Variants in SLIT1 observed in about 807,000 individuals in gnomAD.
SLIT1 encodes slit homolog 1 protein.
In SLIT1, 66 loss-of-function variants were observed where a neutral mutation model predicts 186.1. The ratio of observed to expected loss-of-function variants is 0.35; its 90% CI spans 0.29 to 0.44. The LOEUF is 0.44. Among genes scored for constraint, SLIT1 ranks in the 20% least tolerant of loss-of-function variants. The pLI, the probability that SLIT1 is intolerant of heterozygous loss-of-function variation, is 1.00. For missense variants in SLIT1, 1,638 were observed against 2,037.4 expected (o/e 0.80, Z 3.77); for synonymous variants, 761 against 833.8 (o/e 0.91, Z 1.50).
At chr10:97,048,306 G>A (rs1379091537) in intron 14 of SLIT1, among the ~76,000 whole-genome samples, 1 of 152,176 alleles carries the variant, frequency 6.6e-6, no homozygotes, top group African/African-American at 2.4e-5. Flanking sequence ...GTGGCGTCAG[G>A]ACCTTGACCA....
At chr10:97,047,142 G>T in intron 16 of SLIT1, 77 bp from the exon 17 acceptor site, 1 of 975,568 alleles carries the variant, frequency 1.0e-6, no homozygotes. Flanking sequence ...AGAATATTTG[G>T]GACTCAAACA....
At chr10:97,052,849 C>G (rs1050025361) in intron 13 of SLIT1, among the ~76,000 whole-genome samples, 1 of 152,236 alleles carries the variant, frequency 6.6e-6, no homozygotes, top group South Asian at 2.1e-4. Flanking sequence ...CTGATAGTAC[C>G]TTGGATTTCT....
intron 8 of SLIT1, among the ~76,000 whole-genome samples, chr10:97,061,883 A>G (rs1848896704): frequency 6.6e-6 from 1 of 152,136 alleles, no homozygotes; most frequent in Admixed American, 6.6e-5. Flanking sequence ...CCAGCATTCT[A>G]ACTTCGAATA....
Position 97,002,822 on chromosome 10 carries a change from A to G in SLIT1, c.4036T>C (p.Tyr1346His), listed in dbSNP as rs1589359259. Residue 1346 changes from tyrosine (Y) to histidine (H), a missense_variant, in exon 35 of 37, where the codon TAC becomes CAC. Tyr to His is a moderately conservative substitution (Grantham distance 83, BLOSUM62 2). Coordinates refer to ENST00000266058, the MANE Select transcript of SLIT1 (RefSeq NM_003061.3). The part of the protein sequence containing the change: ...VPGCEPCRKL[Y>H]CLHGICQPNA... ...GGCTGGCAGATGCCATGCAGGCAGT[A>G]GAGCTTGCGGCAGGGTTCGCAGCCT... The G allele has an allele frequency of 6.2e-7, 1 of 1,614,180 alleles. No individual in the cohort carries two copies. The highest frequency in any genetic ancestry group is 1.6e-4 in the Middle Eastern group (1 of 6,062).
rs1400184010 is a variant in SLIT1 at position 97,047,932 on chromosome 10, C to T, written c.1489+41G>A. ...CCCCAGCCTGCCCACCCACTACCAC[C>T]ATTCCCGCCAGGCTGGCCTTGGATC... On this transcript the variant is annotated intron_variant, in intron 15 of 36. Transcript: ENST00000266058. 5.0e-6 allele frequency: 8 copies of T among 1,613,860 alleles called. No homozygotes were observed. The East Asian group carries it at 1.8e-4, about 36-fold the overall frequency.
In SLIT1 at chr10:97,066,055, G is replaced by A; in HGVS notation, c.445C>T (p.Pro149Ser). 2 of 1,605,640 alleles carry A rather than the reference G, an allele frequency of 1.2e-6. No homozygotes were observed. Among genetic ancestry groups the A allele is most frequent in the Non-Finnish European group, 1.7e-6 (2 of 1,175,266 alleles). Residue 149 changes from proline (P) to serine (S), a missense_variant, in exon 5 of 37, where the codon CCC becomes TCC. Pro to Ser is a moderately conservative substitution (Grantham distance 74). Transcript: ENST00000266058. ...DLSENAIQAI[P>S]RKAFRGATDL... ...GTAGCTCCCCGAAAAGCTTTCCTGG[G>A]GATGGCCTGGATGGCGTTCTCACTC...
intron 4 of SLIT1, among the ~76,000 whole-genome samples, chr10:97,070,388 T>G (rs1054534577): frequency 6.6e-6 from 1 of 152,174 alleles, no homozygotes; most frequent in African/African-American, 2.4e-5. Context: ...CACTTCTTTT[T>G]GGGGGCCTCA....
At chr10:97,059,916 G>T (rs1298953576) in intron 10 of SLIT1, among the ~76,000 whole-genome samples, 171 bp downstream of exon 10, 1 of 152,346 alleles carries the variant, frequency 6.6e-6, no homozygotes, top group South Asian at 2.1e-4. Flanking sequence ...AGCCCTGCAA[G>T]GAGGTCCCCG....
intron 12 of SLIT1, 94 bp from the exon 13 acceptor site, chr10:97,056,558 T>C: frequency 2.2e-6 from 3 of 1,351,326 alleles, no homozygotes; most frequent in Non-Finnish European, 3.1e-6. Context: ...CGGCCTGCGT[T>C]ATTACAGGGA....
intron 24 of SLIT1, 129 bp from the exon 25 acceptor site, chr10:97,030,957 C>T: frequency 1.3e-6 from 1 of 749,792 alleles, no homozygotes; most frequent in South Asian, 1.6e-5. Context: ...CAGTCAGTGA[C>T]CTGAAGGAGA....
intron 4 of SLIT1, among the ~76,000 whole-genome samples, chr10:97,098,459 G>C (rs1250207810): frequency 6.6e-6 from 1 of 152,192 alleles, no homozygotes; most frequent in African/African-American, 2.4e-5. Flanking sequence ...GGCTTCTAGG[G>C]GTACGGTGAG....
chr10:97,064,135 C>A, intron 7 of SLIT1, 33 bp downstream of exon 7: 1 of 1,580,836 alleles, frequency 6.3e-7, no homozygotes, highest in Non-Finnish European at 8.6e-7. Flanking sequence ...CCGGGCTTGG[C>A]TGCCCCGCTC....
At chr10:97,095,350 G>A (rs146588979) in intron 4 of SLIT1, among the ~76,000 whole-genome samples, 73 of 152,306 alleles carry the variant, frequency 4.8e-4, no homozygotes, top group African/African-American at 1.6e-3. Context: ...CCAGAGTCCA[G>A]TTGCTGACCT....
chr10:97,179,536 G>C (rs904780777), intron 1 of SLIT1, among the ~76,000 whole-genome samples: 1 of 152,190 alleles, frequency 6.6e-6, no homozygotes, highest in Non-Finnish European at 1.5e-5. Context: ...AAGATCTCTC[G>C]GTAGGTGATG....
intron 27 of SLIT1, 134 bp from the exon 28 acceptor site, chr10:97,018,817 C>CTTCATTCATTCA (rs3837348): frequency 1.5e-5 from 10 of 646,364 alleles, no homozygotes; most frequent in South Asian, 3.8e-5. Context: ...CATTCGTCCA[C>CTTCATTCATTCA]TTCATTCATT....
rs1848501799 is a variant in SLIT1 at position 97,021,484 on chromosome 10, C to T, written c.2583-71G>A. 1.1e-5 allele frequency: 16 copies of T among 1,457,916 alleles called. No individual in the cohort carries two copies. Among genetic ancestry groups the T allele is most frequent in the Non-Finnish European group, 1.5e-5 (16 of 1,069,034 alleles). The allele number at this position is 1,457,916 out of a possible 1,614,324, so 90.3% of individuals were successfully genotyped here. On this transcript the variant is annotated intron_variant, in intron 25 of 36. Coordinates refer to ENST00000266058, the MANE Select transcript of SLIT1 (RefSeq NM_003061.3). The surrounding 1 kb of genome is among the most constrained non-coding windows in gnomAD (Gnocchi z 4.5). ...CCCTCGCCCACTGGGAACCTAGAGT[C>T]CCAGGCACTGCACCAGGGGCTGGCA...
intron 25 of SLIT1, among the ~76,000 whole-genome samples, chr10:97,029,769 A>T (rs987671576): frequency 6.6e-6 from 1 of 152,232 alleles, no homozygotes; most frequent in Non-Finnish European, 1.5e-5. Flanking sequence ...CTCTGTGCTC[A>T]TTAAACACCA....
intron 4 of SLIT1, among the ~76,000 whole-genome samples, chr10:97,078,456 T>C (rs1487996096): frequency 1.3e-5 from 2 of 152,050 alleles, no homozygotes; most frequent in African/African-American, 2.4e-5. Flanking sequence ...GCACCCAGGG[T>C]AACATTTCCT....
chr10:97,163,448 C>T lies in SLIT1; in HGVS notation c.273G>A (p.Gln91=). 6.2e-7 allele frequency: 1 copy of T among 1,614,136 alleles called. No individual in the cohort carries two copies. The highest frequency in any genetic ancestry group is 8.5e-7 in the Non-Finnish European group (1 of 1,179,940). The change falls in exon 3 of 37, where the codon CAG becomes CAA. Residue 91 remains glutamine, a synonymous_variant. Transcript: ENST00000266058. ...CTGCTCCAATCTGGTTCTCCATCAG[C>T]TGCCTGGGGAAGCAAAGAGACAAGG... The part of the protein sequence containing the change: ...FAGLKQLRVL[Q]LMENQIGAVE...
Sources: allele counts gnomAD v4.1 joint callset (sites outside exome capture counted in the v4.1 genomes callset), GRCh38; gene constraint gnomAD v4.1.1; non-coding constraint Gnocchi (gnomAD v3.1); transcripts MANE v1.5; gene names NCBI Gene and HGNC (gene_info 2026-07-23, HGNC 2026-07-21).